HDAC9: variants seen among roughly 807,000 people sequenced by gnomAD.
HDAC9 encodes the protein MEF-2 interacting transcription repressor (MITR) protein.
HDAC9 carries 41 observed loss-of-function variants against 139.4 expected under a neutral mutation model. The ratio of observed to expected loss-of-function variants is 0.29; its 90% CI spans 0.23 to 0.38. HDAC9 has a LOEUF of 0.38. Among genes scored for constraint, HDAC9 ranks in the 10% least tolerant of loss-of-function variants. The pLI, the probability that HDAC9 is intolerant of heterozygous loss-of-function variation, is 1.00. For missense variants in HDAC9, 1,147 were observed against 1,297.0 expected, an observed-to-expected ratio of 0.88 and a Z score of 1.78; for synonymous variants, 517 against 476.2, an observed-to-expected ratio of 1.09 and a Z score of -1.12.
At chr7:18,180,873 G>A (rs1789365584) in intron 2 of HDAC9, among the ~76,000 whole-genome samples, 1 of 152,168 alleles carries the variant, frequency 6.6e-6, no homozygotes, top group South Asian at 2.1e-4. Context: ...AAAGACTCCA[G>A]GGGACAATCT....
chr7:18,437,964 G>GAC (rs979743505), intron 1 of HDAC9, among the ~76,000 whole-genome samples: 1 of 146,452 alleles, frequency 6.8e-6, no homozygotes, highest in Non-Finnish European at 1.5e-5. Context: ...CACACACACA[G>GAC]ACACACACAC....
At chr7:18,893,532 A>G (rs1302938357) in intron 22 of HDAC9, among the ~76,000 whole-genome samples, 2 of 152,160 alleles carry the variant, frequency 1.3e-5, no homozygotes, top group South Asian at 4.1e-4. Flanking sequence ...CCCTGGCCAT[A>G]TGGTTATTTA....
chr7:18,438,195 T>C (rs1477918714), intron 1 of HDAC9, among the ~76,000 whole-genome samples: 1 of 151,898 alleles, frequency 6.6e-6, no homozygotes, highest in Admixed American at 6.6e-5. Context: ...ACACAATTCA[T>C]AGAAGAAGAA....
At chr7:18,807,887 T>C (rs532224044) in intron 17 of HDAC9, 5 of 152,188 alleles carry the variant, frequency 3.3e-5, no homozygotes, top group Non-Finnish European at 7.4e-5. Context: ...TTGAGGAGAA[T>C]GTGTATTCTG....
intron 16 of HDAC9, among the ~76,000 whole-genome samples, chr7:18,788,699 G>C (rs1411227372): frequency 6.7e-6 from 1 of 149,750 alleles, no homozygotes; most frequent in Non-Finnish European, 1.5e-5. Context: ...AGGTTGCAGT[G>C]AGCCAAGATC....
intron 6 of HDAC9, among the ~76,000 whole-genome samples, chr7:18,598,194 A>C (rs569788223): frequency 6.6e-6 from 1 of 152,154 alleles, no homozygotes; most frequent in African/African-American, 2.4e-5. Context: ...AATTGCATAC[A>C]TGAACATTAT....
chr7:18,804,115 G>C (rs1279369596), intron 17 of HDAC9, among the ~76,000 whole-genome samples: 1 of 152,204 alleles, frequency 6.6e-6, no homozygotes, highest in Non-Finnish European at 1.5e-5. Flanking sequence ...GAGCAAGAAG[G>C]CTAGCTCTGT....
At chr7:18,788,851 CAT>C (rs1327402460) in intron 16 of HDAC9, among the ~76,000 whole-genome samples, 17 of 152,006 alleles carry the variant, frequency 1.1e-4, no homozygotes, top group Non-Finnish European at 2.1e-4. Context: ...CGTTTGCTCA[CAT>C]GTCGCTTTCT....
At chr7:18,141,377 G>A (rs1785884987) in intron 1 of HDAC9, among the ~76,000 whole-genome samples, 1 of 152,150 alleles carries the variant, frequency 6.6e-6, no homozygotes, top group African/African-American at 2.4e-5. Flanking sequence ...GATCCAAGGT[G>A]CAGAGAGTCT....
intron 1 of HDAC9, among the ~76,000 whole-genome samples, chr7:18,462,628 A>G (rs1396805239): frequency 6.6e-6 from 1 of 151,922 alleles, no homozygotes; most frequent in Non-Finnish European, 1.5e-5. Context: ...ATATCATGAT[A>G]TTGTATATAT....
chr7:18,991,116 A>T (rs1340390893), intron 25 of HDAC9, among the ~76,000 whole-genome samples: 1 of 152,212 alleles, frequency 6.6e-6, no homozygotes, highest in Non-Finnish European at 1.5e-5. Context: ...CTTGATTTAA[A>T]TTATCATACT....
At chr7:18,138,682 G>C (rs752754822) in intron 1 of HDAC9, among the ~76,000 whole-genome samples, 2 of 152,012 alleles carry the variant, frequency 1.3e-5, no homozygotes, top group African/African-American at 4.8e-5. Flanking sequence ...ACATGCACCA[G>C]CCAAAAAATT....
intron 1 of HDAC9, chr7:18,152,024 C>T (rs1391469177): frequency 6.6e-6 from 1 of 152,118 alleles, no homozygotes; most frequent in African/African-American, 2.4e-5. Context: ...TGCACCAGCT[C>T]TTTCATGTAT....
chr7:18,259,396 T>G (rs1795498143), intron 2 of HDAC9, among the ~76,000 whole-genome samples: 1 of 152,164 alleles, frequency 6.6e-6, no homozygotes, highest in Admixed American at 6.5e-5. Context: ...AGGATCTTGC[T>G]CTTTCCCCCA....
chr7:18,391,014 G>A (rs370793605), intron 1 of HDAC9, among the ~76,000 whole-genome samples: 42 of 152,196 alleles, frequency 2.8e-4, no homozygotes, highest in African/African-American at 7.9e-4. Flanking sequence ...GCTTGAACCC[G>A]GGAAGTGGAA....
At position 18,486,482 on chromosome 7, in the gene HDAC9, T is replaced by C. The variant is rs1217360650; in HGVS notation, c.-41-9780T>C. Among the ~76,000 whole-genome samples the C allele has an allele frequency of 3.9e-5, 6 of 152,088 alleles. No homozygotes were observed. The East Asian group carries it at 1.2e-3, about 29-fold the overall frequency. ...AATGTAAGGTGGAACTTCTTTTTAT[T>C]AGAGCTTTGATGTTCTCAGAGTGTC... On this transcript the variant is annotated intron_variant, in intron 1 of 3. Transcript: ENST00000413509.
At chr7:18,768,063 T>C (rs1789978667) in intron 16 of HDAC9, among the ~76,000 whole-genome samples, 1 of 152,176 alleles carries the variant, frequency 6.6e-6, no homozygotes, top group Non-Finnish European at 1.5e-5. Flanking sequence ...CTTTTGTTCC[T>C]TTGCTTGTGA....
intron 2 of HDAC9, among the ~76,000 whole-genome samples, chr7:18,177,953 A>G (rs936537345): frequency 6.0e-5 from 9 of 150,600 alleles, no homozygotes; most frequent in Non-Finnish European, 1.0e-4. Context: ...CATATGTGTC[A>G]TGAATCATAT....
At chr7:18,698,028 G>A (rs1481917322) in intron 12 of HDAC9, among the ~76,000 whole-genome samples, 1 of 152,020 alleles carries the variant, frequency 6.6e-6, no homozygotes, top group Admixed American at 6.6e-5. Flanking sequence ...GAAGACGCAT[G>A]AACAAAAATT....
Sources: gnomAD v4.1 joint callset for allele counts (sites outside exome capture counted in the v4.1 genomes callset) on GRCh38, gnomAD v4.1.1 for gene constraint, MANE v1.5 for transcripts, NCBI Gene and HGNC (gene_info 2026-07-23, HGNC 2026-07-21) for gene names.